EMC1: variants seen among roughly 807,000 people sequenced by gnomAD.
EMC1 encodes the protein KIAA0090.
In EMC1, 103 loss-of-function variants were observed where a neutral mutation model predicts 128.8. That is an observed-to-expected ratio of 0.80 (90% CI 0.68 to 0.94). The LOEUF (loss-of-function observed/expected upper bound fraction) is 0.94, where lower values mean the gene tolerates loss of function less well. Ranked by LOEUF, EMC1 falls within the 40% of genes least tolerant of loss-of-function variation. The pLI, the probability that EMC1 is intolerant of heterozygous loss-of-function variation, is 0.00. For missense variants in EMC1, 1,083 were observed against 1,250.6 expected (o/e 0.87, Z 2.02); for synonymous variants, 442 against 490.4 (o/e 0.90, Z 1.30).
Position 19,231,387 on chromosome 1 carries a change from G to C in EMC1, c.1818C>G (p.Pro606=), listed in dbSNP as rs1192054009. ...SGMSSLYVFN[P]IFGKWSQVAP... ...CTACCTGACTCCACTTCCCAAAAAT[G>C]GGATTGAAGACATACAGAGAACTCA... The change falls in exon 16 of 23, where the codon CCC becomes CCG. Residue 606 remains proline (P), a synonymous_variant. Transcript: ENST00000477853. 3.7e-6 allele frequency: 6 copies of C among 1,612,382 alleles called. No homozygotes were observed. In the South Asian group the frequency reaches 5.5e-5, roughly 15 times the overall value.
chr1:19,251,505 G>C lies in EMC1; in HGVS notation c.5C>G (p.Ala2Gly), dbSNP rs749957590. The change falls in exon 1 of 23, where the codon GCG becomes GGG. Residue 2 changes from alanine to glycine, a missense_variant. This residue lies in a region of EMC1 where 544 missense variants were observed against 572.4 expected (regional missense o/e 0.95). Coordinates refer to ENST00000477853, the MANE Select transcript of EMC1 (RefSeq NM_015047.3). ...CCAGAAACGAGAAGCCCACTCAGCC[G>C]CCATGATGCGAGCGCATGCACCACC... The part of the protein sequence containing the change: M[A>G]AEWASRFWLW... The C allele has an allele frequency of 1.9e-6, 3 of 1,614,100 alleles. No homozygotes were observed. Among genetic ancestry groups the C allele is most frequent in the Admixed American group, 3.3e-5 (2 of 60,032 alleles).
intron 2 of EMC1, among the ~76,000 whole-genome samples, chr1:19,244,415 A>C (rs888365264): frequency 1.6e-4 from 24 of 152,126 alleles, no homozygotes; most frequent in African/African-American, 5.8e-4. Context: ...TTTTTGCAGC[A>C]GCATCTTTTT....
intron 6 of EMC1, 62 bp downstream of exon 6, chr1:19,240,954 A>G (rs1214614720): frequency 1.3e-6 from 2 of 1,581,062 alleles, no homozygotes; most frequent in Admixed American, 3.5e-5. Flanking sequence ...CCCAGTACAA[A>G]GAAATCTATC....
intron 13 of EMC1, chr1:19,234,089 C>T (rs934396904): frequency 9.4e-6 from 6 of 634,952 alleles, no homozygotes; most frequent in Non-Finnish European, 1.2e-5. Context: ...GGATGTACCT[C>T]ATTGGTCCAA....
In EMC1 at chr1:19,239,240, C is replaced by T. The variant is rs2093588616; in HGVS notation, c.1017G>A (p.Arg339=). The change falls in exon 9 of 23, where the codon CGG becomes CGA. Residue 339 remains arginine (R), a synonymous_variant. Transcript: ENST00000477853. Reference sequence around the variant, plus strand: ...TGTTCTCAATACTCACCACTTCATTCCGACAGGCCATGACTGCAGCCACCG... The same window carrying T: ...TGTTCTCAATACTCACCACTTCATTTCGACAGGCCATGACTGCAGCCACCG... ...EKTVAAVMAC[R]NEVQKSSSSE... 1 of 1,614,026 alleles carries T rather than the reference C, an allele frequency of 6.2e-7. No homozygotes were observed.
chr1:19,250,936 G>A (rs2093656101), intron 1 of EMC1, among the ~76,000 whole-genome samples: 1 of 152,196 alleles, frequency 6.6e-6, no homozygotes, highest in Non-Finnish European at 1.5e-5. Context: ...ATCCTGCTGT[G>A]AGCCCAGGGC....
chr1:19,225,036 G>A (rs550944015), intron 18 of EMC1, among the ~76,000 whole-genome samples: 8 of 152,030 alleles, frequency 5.3e-5, no homozygotes, highest in East Asian at 1.9e-4. Context: ...CCCTCTTCCC[G>A]GCTTTATTTT....
rs758465576 is a variant in EMC1 at position 19,230,842 on chromosome 1, A to G, written c.2064+2T>C. The G allele has an allele frequency of 6.2e-7, 1 of 1,613,292 alleles. No individual in the cohort carries two copies. Among genetic ancestry groups the G allele is most frequent in the Admixed American group, 1.7e-5 (1 of 59,954 alleles). On this transcript the variant is annotated splice_donor_variant, in intron 17 of 22. Coordinates refer to ENST00000477853, the MANE Select transcript of EMC1 (RefSeq NM_015047.3). LOFTEE classifies it high-confidence loss of function. The stretch of plus-strand genomic sequence containing the variant: ...GGGTTGTGCCAGGACATGCCTTCCT[A>G]CCTTTCGAAGCCGATATCCACACAG...
chr1:19,248,261 C>G (rs2093640818), intron 1 of EMC1, among the ~76,000 whole-genome samples: 1 of 152,080 alleles, frequency 6.6e-6, no homozygotes. Context: ...ACAGAGGCAC[C>G]ATCACAGCTC....
At chr1:19,250,314 C>G (rs947257524) in intron 1 of EMC1, among the ~76,000 whole-genome samples, 1 of 151,512 alleles carries the variant, frequency 6.6e-6, no homozygotes, top group African/African-American at 2.4e-5. Context: ...GCAGAGCTGC[C>G]CAAGACACTA....
chr1:19,243,407 A>C (rs921570093), intron 4 of EMC1, among the ~76,000 whole-genome samples: 2 of 152,220 alleles, frequency 1.3e-5, no homozygotes, highest in Non-Finnish European at 2.9e-5. Context: ...GCACAAGCGC[A>C]AACATTGCAC....
chr1:19,226,744 T>G (rs1305496906), intron 18 of EMC1, among the ~76,000 whole-genome samples: 2 of 151,548 alleles, frequency 1.3e-5, no homozygotes, highest in African/African-American at 4.8e-5. Flanking sequence ...GTTTTTTTTT[T>G]TTGGGGGTGG....
At chr1:19,239,364 AG>A in intron 8 of EMC1, 62 bp from the exon 9 acceptor site, 4 of 1,443,302 alleles carry the variant, frequency 2.8e-6, no homozygotes, top group Non-Finnish European at 3.9e-6. Flanking sequence ...TGCCTTACAG[AG>A]GGTCACCTCT....
rs771316169 is a variant in EMC1, at chr1:19,220,803, AG to A, written c.2632del (p.Leu878TrpfsTer18). ...GAILSLPKAL[L>X]DPRRPEIPTE... ...TGGGATCTCGGGGCGGCGGGGATCC[AG>A]CAAAGCCTTAGGAAGGGAAAGAATT... On this transcript the variant is annotated frameshift_variant, in exon 21 of 23. Transcript: ENST00000477853. LOFTEE classifies it high-confidence loss of function. The A allele has an allele frequency of 6.2e-7, 1 of 1,613,504 alleles. No homozygotes were observed. The highest frequency in any genetic ancestry group is 1.1e-5 in the South Asian group (1 of 91,000).
At chr1:19,237,307 G>A (rs2093572581) in intron 11 of EMC1, 69 bp from the exon 12 acceptor site, 2 of 1,094,352 alleles carry the variant, frequency 1.8e-6, no homozygotes, top group South Asian at 1.2e-5. Flanking sequence ...CCAGACCCCA[G>A]GAGTCAAAGC....
chr1:19,251,358 A>G (rs2093658335), intron 1 of EMC1, 57 bp downstream of exon 1: 1 of 1,455,984 alleles, frequency 6.9e-7, no homozygotes, highest in Non-Finnish European at 9.6e-7. Flanking sequence ...AGCAGGTAGG[A>G]GACAGGTACT....
intron 1 of EMC1, among the ~76,000 whole-genome samples, chr1:19,250,735 G>A (rs1371018551): frequency 1.3e-5 from 2 of 152,200 alleles, no homozygotes; most frequent in African/African-American, 4.8e-5. Context: ...ATAACGGACT[G>A]TTAGTAAACC....
intron 1 of EMC1, among the ~76,000 whole-genome samples, chr1:19,249,989 G>A (rs556736680): frequency 2.6e-5 from 4 of 152,012 alleles, no homozygotes; most frequent in Admixed American, 6.6e-5. Flanking sequence ...AGGCCTAGGC[G>A]GGTGGATTAC....
Position 19,219,213 on chromosome 1 carries a change from A to G in EMC1, c.*90T>C. 7.6e-7 allele frequency: 1 copy of G among 1,313,588 alleles called. No homozygotes were observed. The highest frequency in any genetic ancestry group is 1.1e-6 in the Non-Finnish European group (1 of 922,660). 81.4% of individuals were successfully genotyped at this position (1,313,588 alleles called of 1,614,324 possible). On this transcript the variant is annotated 3_prime_UTR_variant, in exon 23 of 23. Transcript: ENST00000477853. ...CTTAGCTGAGCACTGACACACACAC[A>G]TACTCCACCAATCCACCAAACTGCA...
Sources: allele counts gnomAD v4.1 joint callset (sites outside exome capture counted in the v4.1 genomes callset), GRCh38; gene constraint gnomAD v4.1.1; regional missense constraint gnomAD v4.1.1; transcripts MANE v1.5; gene names NCBI Gene and HGNC (gene_info 2026-07-23, HGNC 2026-07-21).